Variants in CD6 observed in about 807,000 individuals in gnomAD.
The protein encoded by CD6 is T-cell differentiation antigen CD6.
In CD6, 53 loss-of-function variants were observed where a neutral mutation model predicts 75.3. The ratio of observed to expected loss-of-function variants is 0.70; its 90% CI spans 0.56 to 0.88. The LOEUF (loss-of-function observed/expected upper bound fraction) is 0.88. Ranked by LOEUF, CD6 falls within the 40% of genes least tolerant of loss-of-function variation. The pLI, the probability that CD6 is intolerant of heterozygous loss-of-function variation, is 0.00. For missense variants in CD6, 770 were observed against 897.1 expected (o/e 0.86, Z 1.81); for synonymous variants, 359 against 381.5 (o/e 0.94, Z 0.69).
rs936172100 is a variant in CD6, at chr11:61,017,879, C to T, written c.1703C>T (p.Ser568Leu). ...PRSNSESSTS[S>L]GEDYCNSPKS... is the part of the protein sequence containing the mutation. ...AGCAACAGTGAGTCGAGCACCTCTT[C>T]AGGGGAGGATTACTGCAATAGTCCC... The change falls in exon 11 of 13, where the codon TCA (serine) becomes TTA (leucine). Residue 568 changes from serine (S) to leucine (L), a missense_variant. Transcript: ENST00000313421. 2.5e-6 allele frequency: 4 copies of T among 1,614,038 alleles called. No homozygotes were observed. The highest frequency in any genetic ancestry group is 1.7e-5 in the Admixed American group (1 of 59,998).
At chr11:60,977,670 C>G (rs1337763137) in intron 1 of CD6, among the ~76,000 whole-genome samples, 1 of 152,048 alleles carries the variant, frequency 6.6e-6, no homozygotes, top group Non-Finnish European at 1.5e-5. Context: ...GAGTCTCGCT[C>G]TGTCGCCCAG....
At chr11:61,001,102 C>T (rs1412085566) in intron 1 of CD6, among the ~76,000 whole-genome samples, 1 of 151,952 alleles carries the variant, frequency 6.6e-6, no homozygotes, top group Admixed American at 6.6e-5. Flanking sequence ...CATTAAATAA[C>T]ACTGAATCAT....
chr11:61,004,818 C>T (rs1858772919), intron 1 of CD6, among the ~76,000 whole-genome samples: 1 of 152,218 alleles, frequency 6.6e-6, no homozygotes, highest in Admixed American at 6.5e-5. Context: ...TCTTGCAGTT[C>T]CTCCGCAACC....
In CD6 at chr11:60,993,535, CTCT is replaced by C. The variant is rs1181266417; in HGVS notation, c.50-13032_50-13030del. On this transcript the variant is annotated intron_variant, in intron 1 of 12. Coordinates refer to ENST00000313421, the MANE Select transcript of CD6 (RefSeq NM_006725.5). ...TTTACGAAGATCACCCACCCGTGCA[CTCT>C]TCTTCTGTTTGGCTCATTTATCATG... 2.0e-5 allele frequency among the ~76,000 whole-genome samples: 3 copies of C among 152,184 alleles called. No individual in the cohort carries two copies. The South Asian group carries it at 6.2e-4, about 32-fold the overall frequency.
chr11:60,973,415 C>T (rs1049381571), intron 1 of CD6, among the ~76,000 whole-genome samples: 4 of 152,226 alleles, frequency 2.6e-5, no homozygotes, highest in African/African-American at 9.6e-5. Flanking sequence ...TGCTCCTTCC[C>T]AGTACTGTCA....
At chr11:60,982,856 C>T in intron 1 of CD6, 1 of 409,684 alleles carries the variant, frequency 2.4e-6, no homozygotes, top group Non-Finnish European at 4.9e-6. Context: ...GGGCCTCTTC[C>T]CACGCTGCCC....
At chr11:61,017,202 ATACC>A (rs1330112886) in intron 9 of CD6, 1 of 476,060 alleles carries the variant, frequency 2.1e-6, no homozygotes, top group African/African-American at 2.0e-5. Flanking sequence ...AAGACTCTTG[ATACC>A]TCTCTAAGTA....
rs541743404 is a variant in CD6 at position 61,007,940 on chromosome 11, A to C, written c.469+30A>C. 4.0e-4 allele frequency: 508 copies of C among 1,257,918 alleles called. 3 individuals are homozygous for C. In the African/African-American group the frequency reaches 7.5e-3, roughly 19 times the overall value. 77.9% of individuals were successfully genotyped at this position (1,257,918 alleles called of 1,614,324 possible). ...GAGCGCACCCCCTACACGGGCCCCC[A>C]CCTGCCCCACTCCCCAGGCCTTCAG... On this transcript the variant is annotated intron_variant, in intron 3 of 12. Coordinates refer to ENST00000313421, the MANE Select transcript of CD6 (RefSeq NM_006725.5). The surrounding 1 kb of genome is among the most constrained non-coding windows in gnomAD (Gnocchi z 4.2).
At chr11:61,003,055 C>T (rs1206424592) in intron 1 of CD6, among the ~76,000 whole-genome samples, 1 of 152,174 alleles carries the variant, frequency 6.6e-6, no homozygotes, top group African/African-American at 2.4e-5. Flanking sequence ...ACCTCCACCT[C>T]CCAGGCTCAA....
chr11:60,973,137 T>C (rs1263646004), intron 1 of CD6, among the ~76,000 whole-genome samples: 1 of 152,152 alleles, frequency 6.6e-6, no homozygotes, highest in African/African-American at 2.4e-5. Context: ...CAAAAGATTT[T>C]CCCCAACCCA....
intron 1 of CD6, among the ~76,000 whole-genome samples, chr11:60,974,313 C>T (rs1443088863): frequency 6.6e-6 from 1 of 152,184 alleles, no homozygotes; most frequent in Non-Finnish European, 1.5e-5. Context: ...GGCAGACCTC[C>T]CCTCTCCTTC....
At position 60,980,165 on chromosome 11, in the gene CD6, C is replaced by T. The variant is rs145533019; in HGVS notation, c.49+8251C>T. Reference sequence around the variant, plus strand: ...GCTGACTGATGGGTACACAGGATTTCTCTTCACTATTTTGGCAACTTCTTA... The same window carrying T: ...GCTGACTGATGGGTACACAGGATTTTTCTTCACTATTTTGGCAACTTCTTA... On this transcript the variant is annotated intron_variant, in intron 1 of 12. Coordinates refer to ENST00000313421, the MANE Select transcript of CD6 (RefSeq NM_006725.5). Among the ~76,000 whole-genome samples the T allele has an allele frequency of 2.6e-4, 39 of 152,266 alleles. No homozygotes were observed. In the East Asian group the frequency reaches 6.8e-3, roughly 26 times the overall value.
chr11:61,000,701 C>T (rs528929279), intron 1 of CD6, among the ~76,000 whole-genome samples: 4 of 152,292 alleles, frequency 2.6e-5, no homozygotes, highest in Admixed American at 2.6e-4. Context: ...TCTCAGATGC[C>T]CATGGGACAT....
In CD6 at chr11:61,009,880, C is replaced by G; in HGVS notation, c.1084+6C>G. 6.5e-7 allele frequency: 1 copy of G among 1,532,324 alleles called. No individual in the cohort carries two copies. The highest frequency in any genetic ancestry group is 8.8e-7 in the Non-Finnish European group (1 of 1,140,378). The allele number at this position is 1,532,324 out of a possible 1,614,324, so 94.9% of individuals were successfully genotyped here. On this transcript the variant is annotated splice_donor_region_variant and intron_variant, in intron 5 of 12. Transcript: ENST00000313421. Reference sequence around the variant, plus strand: ...AGCCAGGGTCCTCTGCTCAGGTACCCCATCCTACTCCACCCCCCCAGATTT... The same window carrying G: ...AGCCAGGGTCCTCTGCTCAGGTACCGCATCCTACTCCACCCCCCCAGATTT...
Position 61,007,804 on chromosome 11 carries a change from G to A in CD6, c.363G>A (p.Leu121=). Residue 121 remains leucine (L), a synonymous_variant, in exon 3 of 13, where the codon CTG becomes CTA. Coordinates refer to ENST00000313421, the MANE Select transcript of CD6 (RefSeq NM_006725.5). This position sits in a 1 kb window ranked among gnomAD's most constrained non-coding sequence, Gnocchi z 4.2. ...CCAGCGTAGCAGCTAATGCCACTCT[G>A]GCCGGGGCGCCCGCCCTCCTGTGCA... ...GNTSVAANAT[L]AGAPALLCSG... is the part of the protein sequence containing the mutation. 6.8e-7 allele frequency: 1 copy of A among 1,474,016 alleles called. No individual in the cohort carries two copies. The highest frequency in any genetic ancestry group is 3.0e-5 in the East Asian group (1 of 33,876). 91.3% of individuals were successfully genotyped at this position (1,474,016 alleles called of 1,614,324 possible). A position where few individuals can be genotyped will look rare whatever the true frequency, so the allele number is the denominator to read the frequency against.
At chr11:60,989,849 C>G (rs917305897) in intron 1 of CD6, among the ~76,000 whole-genome samples, 1 of 152,134 alleles carries the variant, frequency 6.6e-6, no homozygotes, top group Admixed American at 6.5e-5. Flanking sequence ...AATAACAGTG[C>G]TTACTTCTGA....
intron 1 of CD6, among the ~76,000 whole-genome samples, chr11:60,987,135 C>A (rs1035274192): frequency 1.4e-4 from 21 of 152,264 alleles, no homozygotes; most frequent in South Asian, 1.0e-3. Context: ...AACAAAAAAA[C>A]CAGAAATGTA....
At chr11:61,017,700 A>T in intron 10 of CD6, 59 bp from the exon 11 acceptor site, 1 of 1,609,196 alleles carries the variant, frequency 6.2e-7, no homozygotes, top group Admixed American at 1.7e-5. Flanking sequence ...CTGAAGTCTG[A>T]CTTAAAGCCC....
At chr11:60,986,242 C>T (rs77288061) in intron 1 of CD6, among the ~76,000 whole-genome samples, 19 of 152,360 alleles carry the variant, frequency 1.2e-4, no homozygotes, top group African/African-American at 4.6e-4. Flanking sequence ...CCAGCACCTT[C>T]ACACAACCCG....
Sources: gnomAD v4.1 joint callset for allele counts (sites outside exome capture counted in the v4.1 genomes callset) on GRCh38, gnomAD v4.1.1 for gene constraint, Gnocchi (gnomAD v3.1) non-coding constraint, MANE v1.5 for transcripts, NCBI Gene and HGNC (gene_info 2026-07-23, HGNC 2026-07-21) for gene names.